Variants in PLCH1 observed in about 807,000 individuals in gnomAD.
PLCH1 encodes the protein 1-phosphatidylinositol 4,5-bisphosphate phosphodiesterase eta-1.
PLCH1 carries 60 observed loss-of-function variants against 126.7 expected under a neutral mutation model. The observed-to-expected ratio is 0.47, with a 90% CI of 0.38 to 0.59. The LOEUF (loss-of-function observed/expected upper bound fraction) is 0.59. Ranked by LOEUF, PLCH1 falls within the 20% of genes least tolerant of loss-of-function variation. The pLI is 0.00. For missense variants in PLCH1, 1,723 were observed against 2,040.0 expected (o/e 0.84, Z 2.99); for synonymous variants, 719 against 734.9 (o/e 0.98, Z 0.35).
chr3:155,581,992 C>G (rs886791427), intron 6 of PLCH1, among the ~76,000 whole-genome samples: 9 of 151,528 alleles, frequency 5.9e-5, no homozygotes, highest in African/African-American at 2.2e-4. Context: ...AGGTGATCTG[C>G]CCGCCTCAGT....
At chr3:155,607,652 G>A (rs959329809) in intron 2 of PLCH1, among the ~76,000 whole-genome samples, 4 of 152,088 alleles carry the variant, frequency 2.6e-5, no homozygotes, top group Non-Finnish European at 4.4e-5. Context: ...ATGTTGGCCA[G>A]GCTGGTCTCA....
chr3:155,650,893 C>T (rs1251506555), intron 2 of PLCH1, among the ~76,000 whole-genome samples: 3 of 152,108 alleles, frequency 2.0e-5, no homozygotes, highest in Non-Finnish European at 4.4e-5. Context: ...TAAAAATTAG[C>T]CATGCATGGT....
Position 155,676,303 on chromosome 3 carries a change from C to A in PLCH1, c.79+27843G>T, listed in dbSNP as rs375198942. 466 of 1,142,628 alleles carry A rather than the reference C, an allele frequency of 4.1e-4. 3 individuals carry two copies. The African/African-American group carries it at 6.9e-3, about 17-fold the overall frequency. 70.8% of individuals were successfully genotyped at this position (1,142,628 alleles called of 1,614,324 possible). The stretch of plus-strand genomic sequence containing the variant: ...AGTGAAAAGCACAGCCAGATAAGCA[C>A]GCTGGAAGCATCTGCTCGGGGCTGC... On this transcript the variant is annotated intron_variant, in intron 2 of 22. Coordinates refer to ENST00000460012, the MANE Select transcript of PLCH1 (RefSeq NM_014996.4).
At chr3:155,659,299 C>CTTTTTTT in intron 2 of PLCH1, among the ~76,000 whole-genome samples, 1 of 55,448 alleles carries the variant, frequency 1.8e-5, no homozygotes, top group Non-Finnish European at 3.7e-5. Context: ...TGTCTATTCA[C>CTTTTTTT]TTCTTTTTTT....
At chr3:155,489,789 A>G (rs9818939) in intron 19 of PLCH1, among the ~76,000 whole-genome samples, 41,276 of 152,144 alleles carry the variant, frequency 0.27, 6,079 homozygotes, top group East Asian at 0.42. Flanking sequence ...CTTCCTTTCT[A>G]AAAATGAAAA....
chr3:155,655,435 A>AG (rs1741241850), intron 2 of PLCH1, among the ~76,000 whole-genome samples: 1 of 147,838 alleles, frequency 6.8e-6, no homozygotes, highest in Non-Finnish European at 1.5e-5. Flanking sequence ...TTGTGAGAAA[A>AG]AAAAAAAGAA....
intron 1 of PLCH1, among the ~76,000 whole-genome samples, chr3:155,709,489 T>A (rs1235529185): frequency 6.6e-6 from 1 of 152,244 alleles, no homozygotes; most frequent in East Asian, 1.9e-4. Context: ...TTCTAATAGC[T>A]GTGTGGTGGT....
Position 155,511,809 on chromosome 3 carries a change from G to A in PLCH1, c.1632+2914C>T, listed in dbSNP as rs1001828474. ...AGAGGTTACTGCTGTCTGTTTGTTT[G>A]TCTGTGCCCTGCCCCCAGAGGTGGA... On this transcript the variant is annotated intron_variant, in intron 12 of 22. Coordinates refer to ENST00000460012, the MANE Select transcript of PLCH1 (RefSeq NM_014996.4). Among the ~76,000 whole-genome samples, 4 of 151,412 alleles carry A rather than the reference G, an allele frequency of 2.6e-5. No individual in the cohort carries two copies. In the East Asian group the frequency reaches 7.8e-4, roughly 29 times the overall value.
rs879290008 is a variant in PLCH1, at chr3:155,662,515, GT to G, written c.79+41630del. On this transcript the variant is annotated intron_variant, in intron 2 of 22. Transcript: ENST00000460012. ...AAAACCTATATATGTATATATACAA[GT>G]TTTTTTTTTTTAATCTTAAGCCTAA... Among the ~76,000 whole-genome samples the G allele has an allele frequency of 7.3e-3, 1,062 of 144,992 alleles. 6 individuals carry two copies. The highest frequency in any genetic ancestry group is 0.019 in the South Asian group (86 of 4,548).
At chr3:155,659,138 AC>A (rs1741788544) in intron 2 of PLCH1, among the ~76,000 whole-genome samples, 1 of 151,964 alleles carries the variant, frequency 6.6e-6, no homozygotes, top group South Asian at 2.1e-4. Context: ...TCTTTAAAAC[AC>A]CAAGAAGCAA....
chr3:155,455,185 G>C (rs1252587084), intron 21 of PLCH1, among the ~76,000 whole-genome samples: 1 of 152,170 alleles, frequency 6.6e-6, no homozygotes, highest in Non-Finnish European at 1.5e-5. Context: ...GGAGGAATTG[G>C]AGGAAGGGAA....
intron 2 of PLCH1, among the ~76,000 whole-genome samples, chr3:155,606,370 T>C (rs72998908): frequency 0.017 from 2,660 of 152,334 alleles, 79 homozygotes; most frequent in African/African-American, 0.06. Flanking sequence ...TGGACAGATC[T>C]GCTCAAAATC....
Position 155,494,394 on chromosome 3 carries a change from C to A in PLCH1, c.2018G>T (p.Arg673Leu), listed in dbSNP as rs780609556. Residue 673 changes from arginine to leucine, a missense_variant, in exon 16 of 23, where the codon CGC (arginine) becomes CTC (leucine). This residue lies in a region of PLCH1 where 776 missense variants were observed against 1,062.9 expected (regional missense o/e 0.73). Transcript: ENST00000460012. ...QLTRIYPSAYRIDSSNFNPLP... is the reference protein window; with the variant it reads ...QLTRIYPSAYLIDSSNFNPLP... ...AGGGTTGAAGTTACTGGAATCAATG[C>A]GGTAGGCAGAGGGGTAAATCCTCGT... is the stretch of plus-strand genomic sequence containing the variant. 1.2e-6 allele frequency: 2 copies of A among 1,614,016 alleles called. No homozygotes were observed. The highest frequency in any genetic ancestry group is 1.7e-6 in the Non-Finnish European group (2 of 1,179,950).
At chr3:155,611,995 C>G (rs1735153582) in intron 2 of PLCH1, among the ~76,000 whole-genome samples, 1 of 152,048 alleles carries the variant, frequency 6.6e-6, no homozygotes, top group South Asian at 2.1e-4. Flanking sequence ...CCTATCAAAA[C>G]TGCTGAGATA....
intron 21 of PLCH1, among the ~76,000 whole-genome samples, chr3:155,462,910 A>G (rs1712781851): frequency 6.6e-6 from 1 of 152,240 alleles, no homozygotes; most frequent in African/African-American, 2.4e-5. Context: ...CTGGAAATAC[A>G]GGAAGTGAGT....
chr3:155,585,805 G>A (rs1242773732), intron 5 of PLCH1, among the ~76,000 whole-genome samples: 1 of 152,174 alleles, frequency 6.6e-6, no homozygotes, highest in African/African-American at 2.4e-5. Flanking sequence ...CAAAGGGACT[G>A]GAGCAAGTTT....
intron 6 of PLCH1, among the ~76,000 whole-genome samples, chr3:155,579,242 A>G (rs1394265217): frequency 6.6e-6 from 1 of 152,192 alleles, no homozygotes; most frequent in Non-Finnish European, 1.5e-5. Flanking sequence ...TGGAAAAGAC[A>G]CTTCCCCTCA....
rs528526161 is a variant in PLCH1 at position 155,565,029 on chromosome 3, T to A, written c.955A>T (p.Asn319Tyr). 6.2e-7 allele frequency: 1 copy of A among 1,613,122 alleles called. No homozygotes were observed. Among genetic ancestry groups the A allele is most frequent in the East Asian group, 2.2e-5 (1 of 44,860 alleles). The change falls in exon 8 of 23, where the codon AAC becomes TAC. Residue 319 changes from asparagine to tyrosine, a missense_variant. Asn to Tyr is a moderately radical substitution (Grantham distance 143). Coordinates refer to ENST00000460012, the MANE Select transcript of PLCH1 (RefSeq NM_014996.4). Reference protein sequence around the residue: ...VYQDMDQPLCNYYIASSHNTY... With the variant: ...VYQDMDQPLCYYYIASSHNTY... ...TTGTGAGAGGAAGCAATGTAGTAGT[T>A]GCAGAGGGGCTGATCCATGTCTTGG...
chr3:155,522,269 TA>T (rs1240259197), intron 11 of PLCH1, among the ~76,000 whole-genome samples: 1 of 152,270 alleles, frequency 6.6e-6, no homozygotes, highest in African/African-American at 2.4e-5. Context: ...TAATTAATTA[TA>T]AAAAATAAAT....
Sources: gnomAD v4.1 joint callset for allele counts (sites outside exome capture counted in the v4.1 genomes callset) on GRCh38, gnomAD v4.1.1 for gene constraint, gnomAD v4.1.1 regional missense constraint, MANE v1.5 for transcripts, NCBI Gene and HGNC (gene_info 2026-07-23, HGNC 2026-07-21) for gene names.